The following DPEP1 variants were observed in gnomAD, a reference collection of about 807,000 sequenced individuals.
DPEP1 encodes beta-lactamase.
A neutral mutation model predicts 42.3 loss-of-function variants in DPEP1; 50 were observed. That is an observed-to-expected ratio of 1.18 (90% confidence interval 0.94 to 1.50). The LOEUF is 1.50. Among genes scored for constraint, DPEP1 ranks in the 40% most tolerant of loss-of-function variants. The pLI, the probability that DPEP1 is intolerant of heterozygous loss-of-function variation, is 0.00. For missense variants in DPEP1, 663 were observed against 553.0 expected, an observed-to-expected ratio of 1.20 and a Z score of -1.99; for synonymous variants, 297 against 234.0, an observed-to-expected ratio of 1.27 and a Z score of -2.46.
chr16:89,640,655 C>A, downstream of DPEP1: 1 of 985,236 alleles, frequency 1.0e-6, no homozygotes, highest in Non-Finnish European at 1.2e-6. Flanking sequence ...CCCCTCCCAG[C>A]CTGGCGTTTT....
chr16:89,630,310 G>T lies in DPEP1; in HGVS notation c.-101G>T. 1.7e-5 allele frequency: 15 copies of T among 886,448 alleles called. No individual in the cohort carries two copies. In the South Asian group the frequency reaches 1.9e-4, roughly 11 times the overall value. 54.9% of individuals were successfully genotyped at this position (886,448 alleles called of 1,614,324 possible). Reference sequence around the variant, plus strand: ...TCTGGTGCCTCTCCTGGCAGGCAGAGTGGCTCCTCACAGCCTGAAGCTCAT... The same window carrying T: ...TCTGGTGCCTCTCCTGGCAGGCAGATTGGCTCCTCACAGCCTGAAGCTCAT... On this transcript the variant is annotated 5_prime_UTR_variant, in exon 2 of 11. Transcript: ENST00000690203.
At chr16:89,638,788 ACGCACACCCCCCACCCCTG>A (rs2059717896), downstream of DPEP1, among the ~76,000 whole-genome samples, 3 of 33,756 alleles carry the variant, frequency 8.9e-5, no homozygotes, top group Non-Finnish European at 1.8e-4. Flanking sequence ...CCACCCCTGC[ACGCACACCCCCCACCCCTG>A]CACACACACA....
intron 9 of DPEP1, 54 bp downstream of exon 9, chr16:89,637,761 TC>T: frequency 1.9e-6 from 3 of 1,612,604 alleles, no homozygotes; most frequent in Non-Finnish European, 2.5e-6. Flanking sequence ...CATGGCCTCG[TC>T]AGAGGGATGA....
intron 2 of DPEP1, among the ~76,000 whole-genome samples, chr16:89,631,932 A>C (rs1181345260): frequency 6.6e-6 from 1 of 152,156 alleles, no homozygotes; most frequent in African/African-American, 2.4e-5. Flanking sequence ...CTCATGGTTT[A>C]AAATGGCCAT....
At chr16:89,635,883 C>G (rs1043832322) in intron 2 of DPEP1, 25 bp from the exon 3 acceptor site, 1 of 1,573,380 alleles carries the variant, frequency 6.4e-7, no homozygotes, top group Non-Finnish European at 8.6e-7. Flanking sequence ...CCCTGACTGC[C>G]TGGCCTCTCC....
chr16:89,635,544 C>G (rs1040190702), intron 2 of DPEP1, among the ~76,000 whole-genome samples: 1 of 152,204 alleles, frequency 6.6e-6, no homozygotes, highest in African/African-American at 2.4e-5. Context: ...CCCCCAGGCC[C>G]TTGCCCCTCA....
At chr16:89,634,179 C>G (rs1478369953) in intron 2 of DPEP1, among the ~76,000 whole-genome samples, 4 of 150,300 alleles carry the variant, frequency 2.7e-5, no homozygotes, top group Non-Finnish European at 5.9e-5. Flanking sequence ...AGCTCTGCCT[C>G]CTGGGTTCCT....
At chr16:89,623,697 CAG>C (rs1351120459) in intron 1 of DPEP1, among the ~76,000 whole-genome samples, 2 of 151,852 alleles carry the variant, frequency 1.3e-5, no homozygotes, top group East Asian at 1.9e-4. Flanking sequence ...GGAGACAAAA[CAG>C]AGGAAATGGA....
At position 89,636,005 on chromosome 16, in the gene DPEP1, A is replaced by T; in HGVS notation, c.202A>T (p.Ile68Phe). 1 of 1,611,936 alleles carries T rather than the reference A, an allele frequency of 6.2e-7. No homozygotes were observed. Among genetic ancestry groups the T allele is most frequent in the South Asian group, 1.1e-5 (1 of 90,972 alleles). ...LTTLAGTHTNIPKLRAGFVGG... is the reference protein window; with the variant it reads ...LTTLAGTHTNFPKLRAGFVGG... ...CACCTTGGCCGGCACACACACCAAC[A>T]TCCCCAAGCTGAGGGCCGGCTTTGT... Residue 68 changes from isoleucine to phenylalanine, a missense_variant, in exon 3 of 11, where the codon ATC becomes TTC. By Grantham distance (21) the Ile-to-Phe change is conservative. Coordinates refer to ENST00000690203, the MANE Select transcript of DPEP1 (RefSeq NM_001389466.1).
Position 89,637,548 on chromosome 16 carries a change from G to GGCC in DPEP1, c.851_853dup (p.Ala284dup). The GGCC allele has an allele frequency of 6.2e-7, 1 of 1,612,752 alleles. No homozygotes were observed. The highest frequency in any genetic ancestry group is 8.5e-7 in the Non-Finnish European group (1 of 1,179,958). ...CCAACAAGGCCAACCTGTCCCAAGT[G>GGCC]GCCGGTAGGTGGGGTGTGAGCGGCC... On this transcript the variant is annotated inframe_insertion, in exon 8 of 11. Transcript: ENST00000690203.
chr16:89,638,529 T>G, downstream of DPEP1: 1 of 1,177,920 alleles, frequency 8.5e-7, no homozygotes, highest in South Asian at 2.6e-5. Context: ...TGATCCTGGA[T>G]CGAGTCTTCG....
chr16:89,618,616 C>T (rs1344066615), intron 1 of DPEP1, among the ~76,000 whole-genome samples: 1 of 152,028 alleles, frequency 6.6e-6, no homozygotes, highest in Non-Finnish European at 1.5e-5. Context: ...AACCTTCCCA[C>T]CTCAGCTTCC....
In DPEP1 at chr16:89,638,252, T is replaced by C; in HGVS notation, c.*30T>C. 6.7e-7 allele frequency: 1 copy of C among 1,501,142 alleles called. No homozygotes were observed. The highest frequency in any genetic ancestry group is 8.9e-7 in the Non-Finnish European group (1 of 1,122,094). 93.0% of individuals were successfully genotyped at this position (1,501,142 alleles called of 1,614,324 possible). ...TGGGAGACCAGAGTCCCCTTTAGGG[T>C]TCCCGGAGCTCCGGGAAGACCCGCC... On this transcript the variant is annotated 3_prime_UTR_variant, in exon 11 of 11. Transcript: ENST00000690203.
intron 6 of DPEP1, 58 bp from the exon 7 acceptor site, chr16:89,637,146 C>T (rs921213565): frequency 1.9e-6 from 3 of 1,576,090 alleles, no homozygotes; most frequent in African/African-American, 2.7e-5. Flanking sequence ...CCAGCCCGTC[C>T]ACCTCCGCAG....
At chr16:89,623,924 G>A (rs1056876158) in intron 1 of DPEP1, among the ~76,000 whole-genome samples, 2 of 152,128 alleles carry the variant, frequency 1.3e-5, no homozygotes, top group Non-Finnish European at 2.9e-5. Context: ...AAGTCGTGGC[G>A]CTCCGAGGAA....
intron 1 of DPEP1, among the ~76,000 whole-genome samples, chr16:89,614,429 G>A (rs888089802): frequency 6.6e-6 from 1 of 152,148 alleles, no homozygotes; most frequent in Admixed American, 6.6e-5. Flanking sequence ...CTGCCTTCCC[G>A]CCCAGCTAAG....
At chr16:89,618,698 G>C (rs2059406280) in intron 1 of DPEP1, among the ~76,000 whole-genome samples, 1 of 151,962 alleles carries the variant, frequency 6.6e-6, no homozygotes, top group East Asian at 1.9e-4. Flanking sequence ...AGGTCTCCTT[G>C]TGTTGCCCCG....
chr16:89,625,539 A>G, intron 1 of DPEP1, among the ~76,000 whole-genome samples: 1 of 152,200 alleles, frequency 6.6e-6, no homozygotes, highest in African/African-American at 2.4e-5. Flanking sequence ...CCTTCAGTGC[A>G]GGCATTAAGT....
chr16:89,627,852 G>T (rs1251342499), intron 1 of DPEP1, among the ~76,000 whole-genome samples: 2 of 151,662 alleles, frequency 1.3e-5, no homozygotes, highest in African/African-American at 2.4e-5. Flanking sequence ...TAGAGAAGGG[G>T]TTTCACCATG....
Sources: allele counts gnomAD v4.1 joint callset (sites outside exome capture counted in the v4.1 genomes callset), GRCh38; gene constraint gnomAD v4.1.1; transcripts MANE v1.5; gene names NCBI Gene and HGNC (gene_info 2026-07-23, HGNC 2026-07-21).